The following CSMD3 variants were observed in gnomAD, a reference collection of about 807,000 sequenced individuals.
CSMD3 encodes CUB and Sushi multiple domains 3.
CSMD3 carries 177 observed loss-of-function variants against 435.2 expected under a neutral mutation model. The ratio of observed to expected loss-of-function variants is 0.41; its 90% CI spans 0.36 to 0.46. CSMD3 has a LOEUF of 0.46. Among genes scored for constraint, CSMD3 ranks in the 20% least tolerant of loss-of-function variants. The probability of loss-of-function intolerance (pLI) is 0.34; values close to 1 mark genes in which losing one functional copy is unlikely to be tolerated. For synonymous variants in CSMD3, 1,656 were observed against 1,520.5 expected, an observed-to-expected ratio of 1.09 and a Z score of -2.07; for missense variants, 4,265 against 4,504.6, an observed-to-expected ratio of 0.95 and a Z score of 1.52.
chr8:112,706,692 T>G (rs2076505626), intron 13 of CSMD3, among the ~76,000 whole-genome samples: 1 of 152,020 alleles, frequency 6.6e-6, no homozygotes, highest in Admixed American at 6.6e-5. Flanking sequence ...TGTCCAATGT[T>G]AAGGGCCTTT....
intron 13 of CSMD3, among the ~76,000 whole-genome samples, chr8:112,770,164 T>C (rs1207215006): frequency 6.6e-6 from 1 of 152,026 alleles, no homozygotes; most frequent in Admixed American, 6.6e-5. Context: ...GTTGGCTCCA[T>C]CAAGTAAACT....
intron 1 of CSMD3, among the ~76,000 whole-genome samples, chr8:113,381,238 T>C (rs2133105253): frequency 6.6e-6 from 1 of 152,294 alleles, no homozygotes; most frequent in East Asian, 1.9e-4. Context: ...CATAGAATAA[T>C]TAAAGTGTGA....
At chr8:112,467,598 G>A (rs1460445055) in intron 32 of CSMD3, among the ~76,000 whole-genome samples, 1 of 152,098 alleles carries the variant, frequency 6.6e-6, no homozygotes. Flanking sequence ...AAGAAGCCCG[G>A]AATGTCACCA....
At chr8:112,278,096 G>A (rs1288313984) in intron 59 of CSMD3, among the ~76,000 whole-genome samples, 1 of 152,130 alleles carries the variant, frequency 6.6e-6, no homozygotes, top group African/African-American at 2.4e-5. Context: ...GGCATAATCA[G>A]TCAATATGGA....
intron 52 of CSMD3, 94 bp from the exon 53 acceptor site, chr8:112,302,060 T>A (rs1820974846): frequency 1.2e-6 from 1 of 844,058 alleles, no homozygotes; most frequent in African/African-American, 1.7e-5. Flanking sequence ...CTTCCTATGA[T>A]TTGATGTATT....
At chr8:113,297,085 A>G (rs1036501875) in intron 2 of CSMD3, among the ~76,000 whole-genome samples, 3 of 152,144 alleles carry the variant, frequency 2.0e-5, no homozygotes, top group African/African-American at 7.2e-5. Flanking sequence ...AAAAAGCAAA[A>G]CATTTTGTTA....
intron 5 of CSMD3, among the ~76,000 whole-genome samples, chr8:113,059,235 C>A (rs1014134944): frequency 2.0e-5 from 3 of 152,096 alleles, no homozygotes. Context: ...TAACCCAAAA[C>A]ATACATTCCC....
At chr8:112,542,242 T>A (rs1826739610) in intron 27 of CSMD3, among the ~76,000 whole-genome samples, 1 of 145,618 alleles carries the variant, frequency 6.9e-6, no homozygotes. Flanking sequence ...TCCTCCAAGA[T>A]CAGGAATAAG....
At position 112,928,016 on chromosome 8, in the gene CSMD3, A is replaced by G. The variant is rs1345972004; in HGVS notation, c.1509-6265T>C. On this transcript the variant is annotated intron_variant, in intron 9 of 70. Transcript: ENST00000297405. ...GTACAATTTCAAGTATACTAGAAAG[A>G]TAATAATGCTACCTGTCTTTGCCCC... Among the ~76,000 whole-genome samples, 11 of 152,262 alleles carry G rather than the reference A, an allele frequency of 7.2e-5. No homozygotes were observed. The East Asian group carries it at 2.1e-3, about 29-fold the overall frequency.
chr8:113,429,295 C>A (rs2094655902), intron 1 of CSMD3, among the ~76,000 whole-genome samples: 1 of 151,188 alleles, frequency 6.6e-6, no homozygotes. Flanking sequence ...AGAGAGAATA[C>A]ATAAATCTCA....
intron 13 of CSMD3, among the ~76,000 whole-genome samples, chr8:112,763,084 C>T (rs1243112093): frequency 6.6e-6 from 1 of 151,596 alleles, no homozygotes; most frequent in Non-Finnish European, 1.5e-5. Flanking sequence ...TGTGAGGTAA[C>T]ATATATATTA....
chr8:112,986,852 A>G (rs2085273198), intron 6 of CSMD3, among the ~76,000 whole-genome samples: 1 of 152,002 alleles, frequency 6.6e-6, no homozygotes, highest in African/African-American at 2.4e-5. Context: ...TTTTTTATTC[A>G]GGTAATAGAA....
intron 1 of CSMD3, among the ~76,000 whole-genome samples, chr8:113,384,780 TCTC>T (rs894891431): frequency 6.6e-6 from 1 of 152,154 alleles, no homozygotes; most frequent in East Asian, 1.9e-4. Context: ...CAGGGTTTTC[TCTC>T]CTCCTTTTTC....
At chr8:113,102,502 C>A (rs2090358887) in intron 4 of CSMD3, among the ~76,000 whole-genome samples, 1 of 151,992 alleles carries the variant, frequency 6.6e-6, no homozygotes, top group South Asian at 2.1e-4. Context: ...AAGCAAATGA[C>A]AAAGTGAATA....
intron 16 of CSMD3, among the ~76,000 whole-genome samples, chr8:112,667,394 C>T (rs757514938): frequency 9.2e-5 from 14 of 152,180 alleles, no homozygotes; most frequent in African/African-American, 3.1e-4. Flanking sequence ...CCAACCCATC[C>T]TCAAGCTCAC....
chr8:113,221,732 C>T (rs1325094996), intron 3 of CSMD3, among the ~76,000 whole-genome samples: 1 of 151,252 alleles, frequency 6.6e-6, no homozygotes, highest in Admixed American at 6.6e-5. Context: ...TCATTCAGTT[C>T]TGTACTAAAA....
chr8:112,483,915 G>C (rs987430283), intron 31 of CSMD3, among the ~76,000 whole-genome samples: 1 of 152,146 alleles, frequency 6.6e-6, no homozygotes, highest in Non-Finnish European at 1.5e-5. Flanking sequence ...CAAGAGCAGA[G>C]TACTCCATCC....
chr8:112,294,897 T>A (rs1276925805), intron 54 of CSMD3, among the ~76,000 whole-genome samples: 1 of 152,156 alleles, frequency 6.6e-6, no homozygotes, highest in Admixed American at 6.6e-5. Flanking sequence ...TCTTTTTATC[T>A]GCTTTTTAAA....
chr8:113,172,786 C>T (rs2092289027), intron 4 of CSMD3, among the ~76,000 whole-genome samples: 1 of 152,098 alleles, frequency 6.6e-6, no homozygotes, highest in Admixed American at 6.6e-5. Flanking sequence ...TCCCACATCC[C>T]AGTCATGGAG....
Sources: gnomAD v4.1 joint callset for allele counts (sites outside exome capture counted in the v4.1 genomes callset) on GRCh38, gnomAD v4.1.1 for gene constraint, MANE v1.5 for transcripts, NCBI Gene and HGNC (gene_info 2026-07-23, HGNC 2026-07-21) for gene names.